Variants in ADAMTS20 observed in about 807,000 individuals in gnomAD.
ADAMTS20 encodes the protein A disintegrin and metalloproteinase with thrombospondin motifs 20.
Under a neutral mutation model 260.1 loss-of-function variants are expected in ADAMTS20, and 225 were observed. That is an observed-to-expected ratio of 0.87 (90% CI 0.78 to 0.97). ADAMTS20 has a LOEUF of 0.97. Among genes scored for constraint, ADAMTS20 ranks in the 50% least tolerant of loss-of-function variants. ADAMTS20 has a pLI of 0.00. For missense variants in ADAMTS20, 2,400 were observed against 2,337.7 expected (o/e 1.03, Z -0.55); for synonymous variants, 802 against 769.5 (o/e 1.04, Z -0.70).
chr12:43,505,923 C>T (rs1008959180), intron 3 of ADAMTS20, among the ~76,000 whole-genome samples: 1 of 152,154 alleles, frequency 6.6e-6, no homozygotes, highest in African/African-American at 2.4e-5. Context: ...AATGAATAAA[C>T]AAAATGTAGT....
intron 2 of ADAMTS20, among the ~76,000 whole-genome samples, chr12:43,549,356 A>G (rs895702791): frequency 1.3e-5 from 2 of 152,078 alleles, no homozygotes; most frequent in African/African-American, 4.8e-5. Context: ...CACAGTGACT[A>G]GAGAGTTATG....
chr12:43,375,319 G>T, intron 36 of ADAMTS20, 60 bp downstream of exon 36: 1 of 1,544,452 alleles, frequency 6.5e-7, no homozygotes, highest in Non-Finnish European at 8.8e-7. Flanking sequence ...CCAACATATT[G>T]TTTGACGTTC....
At chr12:43,354,360 G>A in intron 38 of ADAMTS20, 62 bp from the exon 39 acceptor site, 1 of 1,214,332 alleles carries the variant, frequency 8.2e-7, no homozygotes, top group Non-Finnish European at 1.2e-6. Context: ...TATGCAAATA[G>A]CAGAAAAAGC....
chr12:43,384,167 A>T (rs190950338), intron 29 of ADAMTS20, among the ~76,000 whole-genome samples, 190 bp from the exon 30 acceptor site: 1 of 152,228 alleles, frequency 6.6e-6, no homozygotes, highest in East Asian at 1.9e-4. Flanking sequence ...CCTGTTTGGC[A>T]TAAGGCACTT....
At chr12:43,524,506 GATGAAATCTTTGAA>G (rs1289334115) in intron 3 of ADAMTS20, among the ~76,000 whole-genome samples, 8 of 152,050 alleles carry the variant, frequency 5.3e-5, no homozygotes, top group African/African-American at 1.9e-4. Context: ...TCCAGATCAA[GATGAAATCTTTGAA>G]ATGCCAGATA....
chr12:43,403,653 C>A (rs1444039837), intron 28 of ADAMTS20, among the ~76,000 whole-genome samples: 1 of 151,604 alleles, frequency 6.6e-6, no homozygotes, highest in Non-Finnish European at 1.5e-5. Flanking sequence ...AGAGAAATAG[C>A]CAAACTAAGA....
chr12:43,362,575 C>T (rs1421971322), intron 37 of ADAMTS20, among the ~76,000 whole-genome samples: 1 of 152,178 alleles, frequency 6.6e-6, no homozygotes, highest in Non-Finnish European at 1.5e-5. Flanking sequence ...CATGGACACT[C>T]TCTCCAGTGA....
intron 15 of ADAMTS20, among the ~76,000 whole-genome samples, chr12:43,445,332 A>G (rs1941740000): frequency 6.6e-6 from 1 of 151,846 alleles, no homozygotes; most frequent in African/African-American, 2.4e-5. Flanking sequence ...GCCATGCATT[A>G]TAGAAGGGAA....
chr12:43,513,884 G>C (rs1341292670), intron 3 of ADAMTS20, among the ~76,000 whole-genome samples: 1 of 147,676 alleles, frequency 6.8e-6, no homozygotes, highest in Non-Finnish European at 1.5e-5. Context: ...ACACAGGAAG[G>C]GGAACATCAC....
intron 37 of ADAMTS20, among the ~76,000 whole-genome samples, chr12:43,368,398 C>G (rs1940033445): frequency 6.6e-6 from 1 of 152,044 alleles, no homozygotes; most frequent in Non-Finnish European, 1.5e-5. Flanking sequence ...TAGATTTATT[C>G]AGGTTCTTAC....
At chr12:43,468,136 T>TA (rs896584010) in intron 8 of ADAMTS20, among the ~76,000 whole-genome samples, 56 of 152,158 alleles carry the variant, frequency 3.7e-4, no homozygotes, top group African/African-American at 1.2e-3. Context: ...GTGAATACTT[T>TA]AAAAAAAATC....
chr12:43,425,007 CAAAA>C (rs1437752977), intron 28 of ADAMTS20, among the ~76,000 whole-genome samples: 2 of 151,756 alleles, frequency 1.3e-5, no homozygotes, highest in Admixed American at 1.3e-4. Context: ...GCAAAAGAGA[CAAAA>C]CAAAACAAAA....
intron 7 of ADAMTS20, among the ~76,000 whole-genome samples, chr12:43,485,954 T>A (rs1245064521): frequency 1.3e-5 from 2 of 152,014 alleles, no homozygotes; most frequent in Non-Finnish European, 2.9e-5. Context: ...CAGAAATACA[T>A]CCCATGCTTG....
intron 28 of ADAMTS20, among the ~76,000 whole-genome samples, chr12:43,401,713 TTTTATAA>T (rs1165467708): frequency 1.4e-5 from 2 of 146,516 alleles, no homozygotes; most frequent in Admixed American, 7.1e-5. Context: ...AATCTTTATA[TTTTATAA>T]TTTATAAGTA....
At chr12:43,501,855 A>G (rs901452097) in intron 4 of ADAMTS20, among the ~76,000 whole-genome samples, 5 of 152,194 alleles carry the variant, frequency 3.3e-5, no homozygotes, top group African/African-American at 1.2e-4. Context: ...TGCAACTAGG[A>G]TAGTCCTGTC....
chr12:43,460,988 A>ATATATATATATATGTTTTTTTTT, intron 11 of ADAMTS20, among the ~76,000 whole-genome samples: 1 of 26,396 alleles, frequency 3.8e-5, no homozygotes, highest in Non-Finnish European at 6.7e-5. Flanking sequence ...ATATATATAT[A>ATATATATATATATGTTTTTTTTT]TTTTTTTTTT....
At chr12:43,413,636 G>A (rs1198391079) in intron 28 of ADAMTS20, among the ~76,000 whole-genome samples, 2 of 152,102 alleles carry the variant, frequency 1.3e-5, no homozygotes, top group East Asian at 3.8e-4. Flanking sequence ...TATACTTAAT[G>A]ATTAAACATA....
intron 14 of ADAMTS20, among the ~76,000 whole-genome samples, chr12:43,447,889 C>T (rs1941791784): frequency 6.6e-6 from 1 of 152,054 alleles, no homozygotes; most frequent in Non-Finnish European, 1.5e-5. Flanking sequence ...ATCCCCTTCA[C>T]AATGGCCACC....
chr12:43,366,354 T>C (rs925415444), intron 37 of ADAMTS20, among the ~76,000 whole-genome samples: 3 of 151,774 alleles, frequency 2.0e-5, no homozygotes, highest in East Asian at 1.9e-4. Context: ...ACATAAAAGA[T>C]TGAATTGAGA....
Sources: gnomAD v4.1 joint callset for allele counts (sites outside exome capture counted in the v4.1 genomes callset) on GRCh38, gnomAD v4.1.1 for gene constraint, MANE v1.5 for transcripts, NCBI Gene and HGNC (gene_info 2026-07-23, HGNC 2026-07-21) for gene names.